Variants in SEMA5A observed in about 807,000 individuals in gnomAD.
The protein encoded by SEMA5A is semaphorin-5A.
A neutral mutation model predicts 135.5 loss-of-function variants in SEMA5A; 55 were observed. The ratio of observed to expected loss-of-function variants is 0.41; its 90% CI spans 0.33 to 0.51. The LOEUF (loss-of-function observed/expected upper bound fraction) is 0.51. SEMA5A is among the 20% of genes least tolerant of loss of function. The pLI is 0.37. For synonymous variants in SEMA5A, 580 were observed against 546.5 expected (o/e 1.06, Z -0.85); for missense variants, 1,290 against 1,419.9 (o/e 0.91, Z 1.47).
rs1432410141 is a variant in SEMA5A at position 9,066,426 on chromosome 5, G to A, written c.2294C>T (p.Thr765Ile). Residue 765 changes from threonine to isoleucine, a missense_variant, in exon 17 of 23, where the codon ACA becomes ATA. Coordinates refer to ENST00000382496, the MANE Select transcript of SEMA5A (RefSeq NM_003966.3). ...CSSDGTSGCSTDGLSGDFLRA... is the reference protein window; with the variant it reads ...CSSDGTSGCSIDGLSGDFLRA... ...CCCACGGAATCACTACTCACCATCT[G>A]TGGAGCAGCCACTGGTGCCGTCGCT... The A allele has an allele frequency of 6.2e-7, 1 of 1,614,076 alleles. No homozygotes were observed. The highest frequency in any genetic ancestry group is 1.1e-5 in the South Asian group (1 of 91,086).
chr5:9,174,294 G>T (rs1376539156), intron 11 of SEMA5A, among the ~76,000 whole-genome samples: 1 of 152,162 alleles, frequency 6.6e-6, no homozygotes, highest in Non-Finnish European at 1.5e-5. Flanking sequence ...TTCCAGGTGG[G>T]AACTGCAATA....
At chr5:9,269,887 A>G (rs1180176230) in intron 5 of SEMA5A, among the ~76,000 whole-genome samples, 1 of 152,044 alleles carries the variant, frequency 6.6e-6, no homozygotes, top group Non-Finnish European at 1.5e-5. Context: ...TCCCCTTTTT[A>G]CAGCTGCACA....
chr5:9,513,254 C>T (rs891822906), intron 1 of SEMA5A, among the ~76,000 whole-genome samples: 1 of 151,376 alleles, frequency 6.6e-6, no homozygotes, highest in Non-Finnish European at 1.5e-5. Context: ...ATAATTCATT[C>T]CGATAATAGT....
At chr5:9,506,071 C>G (rs888402729) in intron 1 of SEMA5A, among the ~76,000 whole-genome samples, 1 of 152,090 alleles carries the variant, frequency 6.6e-6, no homozygotes, top group Admixed American at 6.5e-5. Flanking sequence ...GAATAATTTA[C>G]ATTATTGATA....
chr5:9,105,932 A>G (rs994086533), intron 16 of SEMA5A, among the ~76,000 whole-genome samples: 1 of 152,224 alleles, frequency 6.6e-6, no homozygotes, highest in Non-Finnish European at 1.5e-5. Context: ...AATTCAACTG[A>G]TAGTATAGAT....
At chr5:9,493,388 T>A (rs1735135152) in intron 1 of SEMA5A, among the ~76,000 whole-genome samples, 1 of 151,868 alleles carries the variant, frequency 6.6e-6, no homozygotes, top group Non-Finnish European at 1.5e-5. Context: ...ACTTATACAT[T>A]TTTTTGAAAA....
chr5:9,476,899 A>G (rs1013241933), intron 1 of SEMA5A, among the ~76,000 whole-genome samples: 10 of 151,910 alleles, frequency 6.6e-5, no homozygotes, highest in Admixed American at 1.3e-4. Context: ...CAACATAGCA[A>G]GACCATGTCT....
At chr5:9,103,366 G>T (rs1356825102) in intron 16 of SEMA5A, among the ~76,000 whole-genome samples, 2 of 152,246 alleles carry the variant, frequency 1.3e-5, no homozygotes, top group African/African-American at 4.8e-5. Context: ...CGTTTCATTT[G>T]CTCTGAAGAT....
At chr5:9,051,749 T>G (rs572154965) in intron 20 of SEMA5A, 124 bp downstream of exon 20, 2 of 1,190,404 alleles carry the variant, frequency 1.7e-6, no homozygotes, top group Non-Finnish European at 2.4e-6. Context: ...CTTGAAACCA[T>G]GGGGCTTGAT....
chr5:9,142,202 G>A (rs116189515), intron 12 of SEMA5A, among the ~76,000 whole-genome samples: 4,255 of 152,310 alleles, frequency 0.028, 206 homozygotes, highest in African/African-American at 0.097. Context: ...TCCCCACTTC[G>A]ATGGGTGGGT....
intron 8 of SEMA5A, 143 bp downstream of exon 8, chr5:9,224,531 A>G: frequency 1.4e-6 from 1 of 704,254 alleles, no homozygotes; most frequent in Non-Finnish European, 2.4e-6. Context: ...GTTTATCATT[A>G]GTCCTGAACA....
At chr5:9,349,794 C>T (rs917558629) in intron 3 of SEMA5A, among the ~76,000 whole-genome samples, 12 of 151,940 alleles carry the variant, frequency 7.9e-5, no homozygotes, top group African/African-American at 1.2e-4. Flanking sequence ...CCCAGCTACT[C>T]GGGAAGCTGA....
At chr5:9,125,863 C>T (rs985450697) in intron 13 of SEMA5A, among the ~76,000 whole-genome samples, 7 of 152,094 alleles carry the variant, frequency 4.6e-5, no homozygotes, top group Non-Finnish European at 7.3e-5. Context: ...TCTCCTTTCA[C>T]CTGTTTATCA....
At chr5:9,306,342 G>A (rs1314751288) in intron 5 of SEMA5A, among the ~76,000 whole-genome samples, 1 of 151,972 alleles carries the variant, frequency 6.6e-6, no homozygotes, top group East Asian at 1.9e-4. Flanking sequence ...ATTCCTCTCT[G>A]TATTTCAGTT....
chr5:9,512,464 G>GTGAA (rs1736264226), intron 1 of SEMA5A, among the ~76,000 whole-genome samples: 1 of 152,162 alleles, frequency 6.6e-6, no homozygotes, highest in Non-Finnish European at 1.5e-5. Context: ...GTAGGAAGTG[G>GTGAA]TGAATCCAAA....
At chr5:9,319,906 G>A (rs538011749) in intron 4 of SEMA5A, among the ~76,000 whole-genome samples, 2 of 152,146 alleles carry the variant, frequency 1.3e-5, no homozygotes, top group South Asian at 4.2e-4. Context: ...GAGGCCCAAG[G>A]GCATAGCCTT....
At chr5:9,083,076 T>A (rs1473856896) in intron 16 of SEMA5A, among the ~76,000 whole-genome samples, 1 of 152,184 alleles carries the variant, frequency 6.6e-6, no homozygotes, top group African/African-American at 2.4e-5. Flanking sequence ...AGTAGAAACA[T>A]TTATTTAATC....
intron 1 of SEMA5A, among the ~76,000 whole-genome samples, chr5:9,458,418 T>G (rs1432525047): frequency 6.6e-6 from 1 of 152,202 alleles, no homozygotes; most frequent in African/African-American, 2.4e-5. Context: ...CCATAAACCC[T>G]AAACTAAGAT....
intron 1 of SEMA5A, among the ~76,000 whole-genome samples, chr5:9,469,628 TC>T (rs34076304): frequency 6.6e-6 from 1 of 152,180 alleles, no homozygotes; most frequent in Non-Finnish European, 1.5e-5. Context: ...ATCTGTTCCA[TC>T]CCACTGGGAT....
Sources: gnomAD v4.1 joint callset for allele counts (sites outside exome capture counted in the v4.1 genomes callset) on GRCh38, gnomAD v4.1.1 for gene constraint, MANE v1.5 for transcripts, NCBI Gene and HGNC (gene_info 2026-07-23, HGNC 2026-07-21) for gene names.